NBAS: variants seen among roughly 807,000 people sequenced by gnomAD.
NBAS encodes the protein NAG/BC035112 fusion.
Under a neutral mutation model 302.5 loss-of-function variants are expected in NBAS, and 219 were observed. That is an observed-to-expected ratio of 0.72 (90% confidence interval 0.65 to 0.81). The LOEUF (loss-of-function observed/expected upper bound fraction) is 0.81, where lower values mean the gene tolerates loss of function less well. Among genes scored for constraint, NBAS ranks in the 30% least tolerant of loss-of-function variants. The pLI, the probability that NBAS is intolerant of heterozygous loss-of-function variation, is 0.00. For synonymous variants in NBAS, 1,118 were observed against 1,021.6 expected (o/e 1.09, Z -1.80); for missense variants, 2,932 against 2,841.6 (o/e 1.03, Z -0.72).
chr2:15,124,826 G>A, the NBAS span, among the ~76,000 whole-genome samples: 1 of 152,220 alleles, frequency 6.6e-6, no homozygotes, highest in Non-Finnish European at 1.5e-5. Context: ...AGGCTTAGCG[G>A]CTTCCACCTA....
At chr2:15,126,157 T>C in the NBAS span, among the ~76,000 whole-genome samples, 4 of 151,994 alleles carry the variant, frequency 2.6e-5, no homozygotes, top group African/African-American at 7.3e-5. Flanking sequence ...GAGATCTTGT[T>C]GTATAAAAGA....
intron 40 of NBAS, among the ~76,000 whole-genome samples, chr2:15,302,597 A>G (rs973225212): frequency 6.6e-6 from 1 of 152,186 alleles, no homozygotes; most frequent in Non-Finnish European, 1.5e-5. Context: ...AGAACAAGAG[A>G]TAGCATGAGG....
chr2:14,925,652 A>G, the NBAS span, among the ~76,000 whole-genome samples: 41,158 of 152,024 alleles, frequency 0.27, 5,635 homozygotes, highest in African/African-American at 0.33. Flanking sequence ...AAGTCACTGC[A>G]TCAGTGTGAC....
In NBAS at chr2:15,338,710, C is replaced by CACACACACAT. The variant is rs1454097551; in HGVS notation, c.4180-7946_4180-7945insATGTGTGTGT. ...ACACACACACACACACACACACACA[C>CACACACACAT]ATCAAATTAGGTATACTGGCCAGGT... On this transcript the variant is annotated intron_variant, in intron 35 of 51. Transcript: ENST00000281513. Among the ~76,000 whole-genome samples, 876 of 148,790 alleles carry CACACACACAT rather than the reference C, an allele frequency of 5.9e-3. 2 individuals are homozygous for CACACACACAT. The highest frequency in any genetic ancestry group is 9.3e-3 in the Non-Finnish European group (623 of 67,244).
chr2:14,823,887 T>C, the NBAS span, among the ~76,000 whole-genome samples: 967 of 152,270 alleles, frequency 6.4e-3, 10 homozygotes, highest in African/African-American at 0.022. Flanking sequence ...ATGAAATCTT[T>C]CCATGGAAGT....
chr2:15,356,353 A>G lies in NBAS; in HGVS notation c.3881T>C (p.Phe1294Ser). The change falls in exon 33 of 52, where the codon TTC (phenylalanine) becomes TCC (serine). Residue 1294 changes from phenylalanine (F) to serine (S), a missense_variant. By Grantham distance (155) the Phe-to-Ser change is radical. Transcript: ENST00000281513. The part of the protein sequence containing the change: ...LILLVEQALR[F>S]HDYKAASMHC... The stretch of plus-strand genomic sequence containing the variant: ...CATACTGGCTGCTTTGTAGTCATGG[A>G]AGCGAAGTGCCTGCTCCACTAAAAG... 1 of 1,613,904 alleles carries G rather than the reference A, an allele frequency of 6.2e-7. No homozygotes were observed. Among genetic ancestry groups the G allele is most frequent in the South Asian group, 1.1e-5 (1 of 91,072 alleles).
At chr2:14,887,521 C>A in the NBAS span, among the ~76,000 whole-genome samples, 5,780 of 152,218 alleles carry the variant, frequency 0.038, 138 homozygotes, top group Non-Finnish European at 0.051. Flanking sequence ...CAGGAGTAGC[C>A]TGTCCTTTGC....
At chr2:15,367,313 T>C (rs1039071969) in intron 31 of NBAS, among the ~76,000 whole-genome samples, 1 of 151,908 alleles carries the variant, frequency 6.6e-6, no homozygotes, top group African/African-American at 2.4e-5. Context: ...GTACTACGTA[T>C]ATTCTAGGAA....
the NBAS span, among the ~76,000 whole-genome samples, chr2:14,830,359 G>A: frequency 1.3e-5 from 2 of 152,088 alleles, no homozygotes; most frequent in African/African-American, 4.8e-5. Context: ...CACTTAAACA[G>A]ATCAGGGATG....
At chr2:15,558,371 T>C (rs1237643506) in intron 2 of NBAS, among the ~76,000 whole-genome samples, 1 of 152,168 alleles carries the variant, frequency 6.6e-6, no homozygotes, top group African/African-American at 2.4e-5. Context: ...AGCTATATAC[T>C]TTAGCTCTAA....
chr2:15,111,304 C>T, the NBAS span, among the ~76,000 whole-genome samples: 1 of 152,008 alleles, frequency 6.6e-6, no homozygotes, highest in African/African-American at 2.4e-5. Flanking sequence ...AAGTAGAACC[C>T]ATGTAAAAAC....
chr2:14,824,055 G>A, the NBAS span, among the ~76,000 whole-genome samples: 1 of 152,140 alleles, frequency 6.6e-6, no homozygotes, highest in Non-Finnish European at 1.5e-5. Flanking sequence ...GAGCCAGAGG[G>A]GCAACCCTGC....
the NBAS span, among the ~76,000 whole-genome samples, chr2:14,975,840 G>T: frequency 6.7e-6 from 1 of 148,770 alleles, no homozygotes; most frequent in Admixed American, 6.7e-5. Context: ...AAAAAAAAAT[G>T]ACCCAAAAGA....
At chr2:15,536,893 A>G (rs1303742102) in intron 7 of NBAS, among the ~76,000 whole-genome samples, 1 of 152,258 alleles carries the variant, frequency 6.6e-6, no homozygotes, top group East Asian at 1.9e-4. Flanking sequence ...GAGCTTGTTT[A>G]AAGATAGAAG....
chr2:15,425,326 T>C (rs778805439), intron 22 of NBAS, among the ~76,000 whole-genome samples: 1 of 152,192 alleles, frequency 6.6e-6, no homozygotes, highest in Admixed American at 6.5e-5. Flanking sequence ...GAATCAGACA[T>C]ACAATTCCAT....
the NBAS span, among the ~76,000 whole-genome samples, chr2:14,969,893 A>G: frequency 1.3e-5 from 2 of 152,188 alleles, no homozygotes; most frequent in Non-Finnish European, 2.9e-5. Flanking sequence ...ACAGCTGCTG[A>G]GACTATAAAG....
the NBAS span, among the ~76,000 whole-genome samples, chr2:14,921,040 C>A: frequency 6.6e-6 from 1 of 152,058 alleles, no homozygotes; most frequent in East Asian, 1.9e-4. Flanking sequence ...GCCTTTCTCA[C>A]TAAGCTTAAT....
At chr2:14,932,943 C>A in the NBAS span, among the ~76,000 whole-genome samples, 3 of 152,180 alleles carry the variant, frequency 2.0e-5, no homozygotes, top group Non-Finnish European at 4.4e-5. Context: ...AACTAATATT[C>A]TACTAAGTAT....
chr2:15,217,608 C>CT (rs986393552), intron 48 of NBAS, among the ~76,000 whole-genome samples: 4 of 152,222 alleles, frequency 2.6e-5, no homozygotes, highest in African/African-American at 9.6e-5. Context: ...ATTTGTAACA[C>CT]TTATTGACAT....
Sources: gnomAD v4.1 joint callset for allele counts (sites outside exome capture counted in the v4.1 genomes callset) on GRCh38, gnomAD v4.1.1 for gene constraint, MANE v1.5 for transcripts, NCBI Gene and HGNC (gene_info 2026-07-23, HGNC 2026-07-21) for gene names.